ZNF521: variants seen among roughly 807,000 people sequenced by gnomAD.
ZNF521 encodes the protein LYST-interacting protein 3.
ZNF521 carries 14 observed loss-of-function variants against 105.5 expected under a neutral mutation model. The observed-to-expected ratio is 0.13, with a 90% confidence interval of 0.09 to 0.21. The LOEUF is 0.21. ZNF521 is among the 10% of genes least tolerant of loss of function. ZNF521 has a pLI of 1.00. For missense variants in ZNF521, 1,233 were observed against 1,629.7 expected (o/e 0.76, Z 4.19); for synonymous variants, 635 against 606.0 (o/e 1.05, Z -0.70).
At chr18:25,083,510 T>C (rs114479850) in intron 7 of ZNF521, among the ~76,000 whole-genome samples, 2,351 of 152,258 alleles carry the variant, frequency 0.015, 65 homozygotes, top group African/African-American at 0.054. Flanking sequence ...CCGAATTCCA[T>C]AACCATCCAT....
chr18:25,099,463 C>A (rs1235541407), intron 5 of ZNF521, among the ~76,000 whole-genome samples: 1 of 152,120 alleles, frequency 6.6e-6, no homozygotes, highest in African/African-American at 2.4e-5. Context: ...CAACTTATCC[C>A]TGGCAAGAAA....
At chr18:25,194,762 A>G (rs1381334784) in intron 5 of ZNF521, among the ~76,000 whole-genome samples, 1 of 151,768 alleles carries the variant, frequency 6.6e-6, no homozygotes, top group African/African-American at 2.4e-5. Context: ...AGATTTTGAT[A>G]CAAAGATGCT....
At chr18:25,204,983 C>G (rs575500560) in intron 4 of ZNF521, among the ~76,000 whole-genome samples, 1 of 151,972 alleles carries the variant, frequency 6.6e-6, no homozygotes, top group Non-Finnish European at 1.5e-5. Context: ...AATGGACAAT[C>G]TAATGAGTCA....
chr18:25,313,390 C>G (rs1233046523), intron 3 of ZNF521, among the ~76,000 whole-genome samples: 2 of 150,494 alleles, frequency 1.3e-5, no homozygotes, highest in Admixed American at 1.3e-4. Flanking sequence ...AACAAGAAAA[C>G]AGCAAATCTG....
intron 3 of ZNF521, among the ~76,000 whole-genome samples, chr18:25,232,676 G>T (rs1041074898): frequency 3.3e-5 from 5 of 152,192 alleles, no homozygotes; most frequent in Non-Finnish European, 5.9e-5. Context: ...TTACAGGCAG[G>T]TAACCTTGGC....
chr18:25,345,017 C>G (rs996668117), intron 2 of ZNF521, among the ~76,000 whole-genome samples: 1 of 152,178 alleles, frequency 6.6e-6, no homozygotes, highest in Non-Finnish European at 1.5e-5. Context: ...TTATTACATG[C>G]TTTTACATCA....
chr18:25,318,069 ATCCAC>A (rs1205798485), intron 3 of ZNF521, among the ~76,000 whole-genome samples: 1 of 152,182 alleles, frequency 6.6e-6, no homozygotes, highest in Non-Finnish European at 1.5e-5. Context: ...AAAATAAAGT[ATCCAC>A]TAACAAGAGA....
intron 3 of ZNF521, among the ~76,000 whole-genome samples, chr18:25,230,812 G>T (rs1460830386): frequency 1.3e-5 from 2 of 152,040 alleles, no homozygotes; most frequent in Admixed American, 6.6e-5. Flanking sequence ...TCTTACTGCC[G>T]AAAAAGCTTT....
intron 5 of ZNF521, among the ~76,000 whole-genome samples, chr18:25,156,785 T>C (rs1254444835): frequency 6.6e-6 from 1 of 152,106 alleles, no homozygotes; most frequent in Non-Finnish European, 1.5e-5. Flanking sequence ...AAAGGGAAAA[T>C]AGTATTCTGA....
intron 5 of ZNF521, among the ~76,000 whole-genome samples, chr18:25,129,265 A>T (rs112084068): frequency 0.058 from 1,797 of 30,718 alleles, 36 homozygotes; most frequent in African/African-American, 0.085. Context: ...TAATAATAAT[A>T]ATTATTATTA....
At chr18:25,335,338 T>C (rs548337498) in intron 2 of ZNF521, among the ~76,000 whole-genome samples, 5 of 152,186 alleles carry the variant, frequency 3.3e-5, no homozygotes, top group Non-Finnish European at 7.3e-5. Context: ...CTTTGGGTCT[T>C]GGAGACAGCA....
chr18:25,226,316 C>T lies in ZNF521; in HGVS notation c.1602G>A (p.Gln534=), dbSNP rs774531597. The stretch of plus-strand genomic sequence containing the variant: ...GGGAGCCACTGAGGTCACAATGAAC[C>T]TGTCTAATATGCTCTTCCAGGGAAG... ...TDSSLEEHIR[Q]VHCDLSGSRF... The change falls in exon 4 of 8, where the codon CAG becomes CAA. Residue 534 remains glutamine (Q), a synonymous_variant. Coordinates refer to ENST00000361524, the MANE Select transcript of ZNF521 (RefSeq NM_015461.3). The surrounding 1 kb of genome is among the most constrained non-coding windows in gnomAD (Gnocchi z 4.1). 4 of 1,614,148 alleles carry T rather than the reference C, an allele frequency of 2.5e-6. No homozygotes were observed. In the Admixed American group the frequency reaches 6.7e-5, roughly 27 times the overall value.
intron 5 of ZNF521, among the ~76,000 whole-genome samples, chr18:25,134,214 C>CTA (rs1009046703): frequency 1.3e-5 from 2 of 152,096 alleles, no homozygotes; most frequent in African/African-American, 4.8e-5. Flanking sequence ...ATCAGGCTTC[C>CTA]TAAAGACTTC....
intron 5 of ZNF521, among the ~76,000 whole-genome samples, chr18:25,112,189 C>T (rs1465040591): frequency 1.3e-5 from 2 of 152,174 alleles, no homozygotes; most frequent in Non-Finnish European, 2.9e-5. Flanking sequence ...TACATATCTG[C>T]ATACATACAT....
At chr18:25,163,816 A>C (rs571151193) in intron 5 of ZNF521, among the ~76,000 whole-genome samples, 1 of 152,208 alleles carries the variant, frequency 6.6e-6, no homozygotes, top group Non-Finnish European at 1.5e-5. Flanking sequence ...TGTGTGTGGG[A>C]TGGTAGGTGT....
intron 3 of ZNF521, among the ~76,000 whole-genome samples, chr18:25,240,367 G>C (rs941268503): frequency 1.3e-5 from 2 of 151,824 alleles, no homozygotes; most frequent in African/African-American, 4.8e-5. Context: ...ACATCTATAA[G>C]GAAAAACAAC....
At chr18:25,083,558 G>A (rs1473647998) in intron 7 of ZNF521, among the ~76,000 whole-genome samples, 6 of 152,164 alleles carry the variant, frequency 3.9e-5, no homozygotes, top group Non-Finnish European at 7.4e-5. Context: ...AATTCTCCCA[G>A]CTGGAGAAGA....
At chr18:25,315,897 A>T (rs939738316) in intron 3 of ZNF521, 5 of 152,212 alleles carry the variant, frequency 3.3e-5, no homozygotes, top group African/African-American at 1.2e-4. Context: ...CTCATAACAG[A>T]ACTACCCTGA....
intron 5 of ZNF521, among the ~76,000 whole-genome samples, chr18:25,148,799 T>C (rs938461657): frequency 1.3e-5 from 2 of 152,146 alleles, no homozygotes; most frequent in Admixed American, 1.3e-4. Flanking sequence ...TGGGAAGACA[T>C]GATATTTTAA....
Sources: allele counts gnomAD v4.1 joint callset (sites outside exome capture counted in the v4.1 genomes callset), GRCh38; gene constraint gnomAD v4.1.1; non-coding constraint Gnocchi (gnomAD v3.1); transcripts MANE v1.5; gene names NCBI Gene and HGNC (gene_info 2026-07-23, HGNC 2026-07-21).